The following WWC1 variants were observed in gnomAD, a reference collection of about 807,000 sequenced individuals.
The protein encoded by WWC1 is protein KIBRA.
Under a neutral mutation model 138.4 loss-of-function variants are expected in WWC1, and 55 were observed. The ratio of observed to expected loss-of-function variants is 0.40; its 90% confidence interval spans 0.32 to 0.50. The LOEUF (loss-of-function observed/expected upper bound fraction) is 0.50. Among genes scored for constraint, WWC1 ranks in the 20% least tolerant of loss-of-function variants. WWC1 has a pLI of 0.72. For missense variants in WWC1, 1,226 were observed against 1,420.4 expected (o/e 0.86, Z 2.20); for synonymous variants, 524 against 564.9 (o/e 0.93, Z 1.03).
intron 1 of WWC1, among the ~76,000 whole-genome samples, chr5:168,314,896 G>T (rs542459710): frequency 9.2e-5 from 14 of 152,174 alleles, no homozygotes; most frequent in Non-Finnish European, 1.6e-4. Context: ...CACTGCCCTC[G>T]CCAGGCCCTG....
intron 17 of WWC1, among the ~76,000 whole-genome samples, chr5:168,452,260 T>C (rs1048796084): frequency 1.3e-5 from 2 of 152,172 alleles, no homozygotes; most frequent in African/African-American, 4.8e-5. Flanking sequence ...GTAATTCTAT[T>C]ATCTGTTAGG....
Position 168,292,410 on chromosome 5 carries a change from G to A in WWC1, c.119+139G>A. 1 of 999,414 alleles carries A rather than the reference G, an allele frequency of 1.0e-6. No individual in the cohort carries two copies. The highest frequency in any genetic ancestry group is 1.4e-6 in the Non-Finnish European group (1 of 699,074). The allele number at this position is 999,414 out of a possible 1,614,324, so 61.9% of individuals were successfully genotyped here. A position where few individuals can be genotyped will look rare whatever the true frequency, so the allele number is the denominator to read the frequency against. ...AGCTCTCTTCAGTTCGCCACCCCCT[G>A]CTCCCCCCAACCTTCTGGAGCGCTG... On this transcript the variant is annotated intron_variant, in intron 1 of 22. Transcript: ENST00000265293. This position sits in a 1 kb window ranked among gnomAD's most constrained non-coding sequence, Gnocchi z 4.4.
intron 16 of WWC1, among the ~76,000 whole-genome samples, chr5:168,443,390 A>G (rs1754968411): frequency 6.6e-6 from 1 of 151,782 alleles, no homozygotes; most frequent in Non-Finnish European, 1.5e-5. Context: ...TGTTCTGTTT[A>G]TTATGTGCAG....
In WWC1 at chr5:168,309,391, A is replaced by AC. The variant is rs1770863488; in HGVS notation, c.119+17121dup. Among the ~76,000 whole-genome samples, 4 of 152,090 alleles carry AC rather than the reference A, an allele frequency of 2.6e-5. No homozygotes were observed. The South Asian group carries it at 6.2e-4, about 24-fold the overall frequency. On this transcript the variant is annotated intron_variant, in intron 1 of 22. Transcript: ENST00000265293. ...TGGCCTTTTTTGCCATTACCGTGAG[A>AC]CGGTATCTCTGTAATGATTACAACA...
At chr5:168,382,568 T>C (rs926311716) in intron 2 of WWC1, among the ~76,000 whole-genome samples, 1 of 152,180 alleles carries the variant, frequency 6.6e-6, no homozygotes, top group African/African-American at 2.4e-5. Flanking sequence ...GCTGGAGGTG[T>C]AGGGCAGATC....
At chr5:168,373,906 C>T (rs193073894) in intron 2 of WWC1, among the ~76,000 whole-genome samples, 4 of 151,516 alleles carry the variant, frequency 2.6e-5, no homozygotes, top group Admixed American at 6.6e-5. Flanking sequence ...ATTAGCTGGG[C>T]GTGGTGGCGG....
rs375334118 is a variant in WWC1 at position 168,414,579 on chromosome 5, G to A, written c.1173G>A (p.Ala391=). 112 of 1,551,902 alleles carry A rather than the reference G, an allele frequency of 7.2e-5. No individual in the cohort carries two copies. In the Admixed American group the frequency reaches 8.2e-4, roughly 11 times the overall value. Reference sequence around the variant, plus strand: ...CAGCCCGGGACACCCAGAGCAAGGCGCTGACGGAGAGGTGGGGCTGGGGCC... The same window carrying A: ...CAGCCCGGGACACCCAGAGCAAGGCACTGACGGAGAGGTGGGGCTGGGGCC... The part of the protein sequence containing the change: ...LQAARDTQSK[A]LTERLKLNSK... Residue 391 remains alanine (A), a synonymous_variant, in exon 9 of 23, where the codon GCG becomes GCA. Coordinates refer to ENST00000265293, the MANE Select transcript of WWC1 (RefSeq NM_015238.3).
chr5:168,320,009 G>A (rs1488034250), intron 1 of WWC1, among the ~76,000 whole-genome samples: 5 of 150,788 alleles, frequency 3.3e-5, no homozygotes, highest in African/African-American at 9.7e-5. Context: ...CTAGTGATGA[G>A]TGATGTTGAG....
At chr5:168,304,828 C>CTT (rs71310061) in intron 1 of WWC1, among the ~76,000 whole-genome samples, 14 of 141,652 alleles carry the variant, frequency 9.9e-5, no homozygotes, top group East Asian at 2.0e-4. Context: ...AGCTTATGAA[C>CTT]TTTTTTTTTT....
intron 1 of WWC1, among the ~76,000 whole-genome samples, chr5:168,336,584 A>C (rs549347250): frequency 8.7e-5 from 13 of 150,186 alleles, no homozygotes; most frequent in African/African-American, 2.2e-4. Context: ...AAAAAAAAAA[A>C]AAAAAAAAAA....
In WWC1 at chr5:168,385,249, C is replaced by G; in HGVS notation, c.268C>G (p.Arg90Gly). ...TGAGGATCCTCGAGTACAATGGCGG[C>G]GGGAGCAGGAACATATGCTGAAGGA... ...QIEDPRVQWRREQEHMLKDYL... is the reference protein window; with the variant it reads ...QIEDPRVQWRGEQEHMLKDYL... Residue 90 changes from arginine to glycine, a missense_variant, in exon 3 of 23, where the codon CGG becomes GGG. Arg to Gly is a moderately radical substitution (Grantham distance 125). Coordinates refer to ENST00000265293, the MANE Select transcript of WWC1 (RefSeq NM_015238.3). 1 of 1,614,072 alleles carries G rather than the reference C, an allele frequency of 6.2e-7. No homozygotes were observed. The highest frequency in any genetic ancestry group is 8.5e-7 in the Non-Finnish European group (1 of 1,180,006).
At chr5:168,335,518 C>T (rs954349605) in intron 1 of WWC1, among the ~76,000 whole-genome samples, 2 of 152,200 alleles carry the variant, frequency 1.3e-5, no homozygotes, top group Non-Finnish European at 2.9e-5. Flanking sequence ...TTGTGTATCT[C>T]ATTTGAGCTG....
At chr5:168,410,041 C>A in intron 8 of WWC1, 46 bp downstream of exon 8, 1 of 1,579,134 alleles carries the variant, frequency 6.3e-7, no homozygotes, top group Non-Finnish European at 8.7e-7. Flanking sequence ...AAAATAATAA[C>A]TACTATTGTA....
At position 168,460,643 on chromosome 5, in the gene WWC1, C is replaced by T; in HGVS notation, c.2824-7C>T. On this transcript the variant is annotated splice_polypyrimidine_tract_variant and splice_region_variant and intron_variant, in intron 19 of 22. Coordinates refer to ENST00000265293, the MANE Select transcript of WWC1 (RefSeq NM_015238.3). ...ATGTTTAAGATTCCATGACTTTTCT[C>T]TTGCAGCTGAATCGGAGTGATAGTG... 2 of 1,613,740 alleles carry T rather than the reference C, an allele frequency of 1.2e-6. No individual in the cohort carries two copies. The highest frequency in any genetic ancestry group is 1.7e-6 in the Non-Finnish European group (2 of 1,179,722).
intron 1 of WWC1, among the ~76,000 whole-genome samples, chr5:168,346,346 T>C (rs1274337332): frequency 3.3e-5 from 5 of 152,100 alleles, no homozygotes. Flanking sequence ...CCAGGAACCA[T>C]ACAGGGAAAC....
intron 8 of WWC1, among the ~76,000 whole-genome samples, chr5:168,410,929 TGC>T (rs1436805260): frequency 7.3e-6 from 1 of 137,830 alleles, no homozygotes; most frequent in South Asian, 2.2e-4. Flanking sequence ...TCATGATCTT[TGC>T]TTTTTTTTTT....
At chr5:168,422,558 T>C (rs1781174020) in intron 10 of WWC1, among the ~76,000 whole-genome samples, 1 of 151,874 alleles carries the variant, frequency 6.6e-6, no homozygotes, top group Non-Finnish European at 1.5e-5. Flanking sequence ...AGGCTTACCG[T>C]GAGCCGAGAT....
chr5:168,405,541 T>G (rs535858197), intron 5 of WWC1, among the ~76,000 whole-genome samples: 1 of 152,026 alleles, frequency 6.6e-6, no homozygotes, highest in South Asian at 2.1e-4. Flanking sequence ...GAGTCACAGC[T>G]ATGTGTGATG....
At chr5:168,362,914 C>A (rs1397568229) in intron 1 of WWC1, among the ~76,000 whole-genome samples, 1 of 152,116 alleles carries the variant, frequency 6.6e-6, no homozygotes, top group Non-Finnish European at 1.5e-5. Context: ...GTGGAGGAAC[C>A]GTCTGGAATC....
Sources: gnomAD v4.1 joint callset for allele counts (sites outside exome capture counted in the v4.1 genomes callset) on GRCh38, gnomAD v4.1.1 for gene constraint, Gnocchi (gnomAD v3.1) non-coding constraint, MANE v1.5 for transcripts, NCBI Gene and HGNC (gene_info 2026-07-23, HGNC 2026-07-21) for gene names.